The following CHST11 variants were observed in gnomAD, a reference collection of about 807,000 sequenced individuals.
CHST11 encodes the protein carbohydrate sulfotransferase 11.
A neutral mutation model predicts 30.4 loss-of-function variants in CHST11; 9 were observed. That is an observed-to-expected ratio of 0.30 (90% CI 0.18 to 0.52). The LOEUF (loss-of-function observed/expected upper bound fraction) is 0.52, where lower values mean the gene tolerates loss of function less well. Among genes scored for constraint, CHST11 ranks in the 20% least tolerant of loss-of-function variants. The pLI, the probability that CHST11 is intolerant of heterozygous loss-of-function variation, is 0.97. For synonymous variants in CHST11, 152 were observed against 187.8 expected (o/e 0.81, Z 1.56); for missense variants, 348 against 460.6 (o/e 0.76, Z 2.24).
chr12:104,511,300 C>G (rs537110480), intron 1 of CHST11, among the ~76,000 whole-genome samples: 1 of 152,304 alleles, frequency 6.6e-6, no homozygotes, highest in African/African-American at 2.4e-5. Flanking sequence ...TTGCATTGCT[C>G]AGGAAATTAT....
chr12:104,555,778 C>T (rs990410672), intron 1 of CHST11, among the ~76,000 whole-genome samples: 2 of 152,364 alleles, frequency 1.3e-5, no homozygotes, highest in African/African-American at 2.4e-5. Context: ...CTCCATTAAA[C>T]AGCTTGTCCC....
At chr12:104,457,785 G>T (rs1466906879) in intron 1 of CHST11, among the ~76,000 whole-genome samples, 2 of 137,670 alleles carry the variant, frequency 1.5e-5, no homozygotes, top group Non-Finnish European at 3.1e-5. Context: ...AGGGGCGGTA[G>T]TTTTTTTTTT....
At chr12:104,548,782 G>T (rs558147518) in intron 1 of CHST11, among the ~76,000 whole-genome samples, 1 of 152,172 alleles carries the variant, frequency 6.6e-6, no homozygotes, top group African/African-American at 2.4e-5. Context: ...CTCCCTGAAC[G>T]CAGGCAGGCA....
At chr12:104,703,100 G>A (rs2040003337) in intron 2 of CHST11, among the ~76,000 whole-genome samples, 1 of 152,206 alleles carries the variant, frequency 6.6e-6, no homozygotes, top group Non-Finnish European at 1.5e-5. Flanking sequence ...GTGCCTGCTG[G>A]CTCATGGGAA....
intron 1 of CHST11, among the ~76,000 whole-genome samples, chr12:104,581,034 T>TG (rs1463851808): frequency 1.3e-5 from 2 of 152,214 alleles, no homozygotes; most frequent in Non-Finnish European, 2.9e-5. Flanking sequence ...TTTTCTGCCT[T>TG]TTCTGGTGTT....
At chr12:104,505,101 T>C (rs2037891795) in intron 1 of CHST11, among the ~76,000 whole-genome samples, 1 of 152,176 alleles carries the variant, frequency 6.6e-6, no homozygotes, top group Admixed American at 6.5e-5. Flanking sequence ...TAGACTGGCT[T>C]CTGTAATTTT....
At chr12:104,481,856 T>TG (rs2037626479) in intron 1 of CHST11, among the ~76,000 whole-genome samples, 1 of 150,924 alleles carries the variant, frequency 6.6e-6, no homozygotes, top group Non-Finnish European at 1.5e-5. Context: ...CATTTTTTTT[T>TG]TTTGGAGTTT....
chr12:104,706,642 C>T (rs2040038711), intron 2 of CHST11, among the ~76,000 whole-genome samples: 1 of 152,142 alleles, frequency 6.6e-6, no homozygotes, highest in African/African-American at 2.4e-5. Context: ...GGGGCAAGGT[C>T]TCTTTTCACT....
At chr12:104,694,389 T>C (rs773046148) in intron 2 of CHST11, among the ~76,000 whole-genome samples, 40 of 152,328 alleles carry the variant, frequency 2.6e-4, no homozygotes, top group Middle Eastern at 3.4e-3. Flanking sequence ...TCAGCATTCA[T>C]CAAACACTTA....
chr12:104,482,126 G>T (rs1370403771), intron 1 of CHST11, among the ~76,000 whole-genome samples: 1 of 151,696 alleles, frequency 6.6e-6, no homozygotes, highest in Non-Finnish European at 1.5e-5. Context: ...TTGTTTTCTT[G>T]ATTTTATTTT....
At chr12:104,715,181 A>G (rs1019887305) in intron 2 of CHST11, among the ~76,000 whole-genome samples, 10 of 152,116 alleles carry the variant, frequency 6.6e-5, no homozygotes, top group African/African-American at 2.4e-4. Context: ...CCTGGCCAAC[A>G]TGGTGTAACC....
intron 1 of CHST11, among the ~76,000 whole-genome samples, chr12:104,589,651 AT>A (rs1252755482): frequency 6.6e-6 from 1 of 152,170 alleles, no homozygotes; most frequent in East Asian, 1.9e-4. Flanking sequence ...CAGTTGTATT[AT>A]TTCTTGCCTT....
Position 104,756,848 on chromosome 12 carries a change from A to C in CHST11, c.205-101A>C, listed in dbSNP as rs1165635993. 4.4e-6 allele frequency: 6 copies of C among 1,372,362 alleles called. No individual in the cohort carries two copies. The African/African-American group carries it at 7.2e-5, about 16-fold the overall frequency. The allele number at this position is 1,372,362 out of a possible 1,614,324, so 85.0% of individuals were successfully genotyped here. A position where few individuals can be genotyped will look rare whatever the true frequency, so the allele number is the denominator to read the frequency against. On this transcript the variant is annotated intron_variant, in intron 2 of 2. Transcript: ENST00000303694. ...AGGCATGAGCCACTGCACCCAGCTT[A>C]GATATGTGTTTGAACGGGTGGATTT...
intron 2 of CHST11, among the ~76,000 whole-genome samples, chr12:104,663,124 C>A (rs1379404884): frequency 6.6e-6 from 1 of 152,248 alleles, no homozygotes; most frequent in Admixed American, 6.5e-5. Flanking sequence ...GAGGATCCAG[C>A]AGGCTGGCCT....
At chr12:104,732,434 GC>G (rs2040265313) in intron 2 of CHST11, among the ~76,000 whole-genome samples, 1 of 152,152 alleles carries the variant, frequency 6.6e-6, no homozygotes, top group African/African-American at 2.4e-5. Context: ...TTTATAGATG[GC>G]CTGAAAACTA....
intron 2 of CHST11, among the ~76,000 whole-genome samples, chr12:104,608,234 T>A (rs2039025613): frequency 6.6e-6 from 1 of 151,984 alleles, no homozygotes; most frequent in Admixed American, 6.5e-5. Flanking sequence ...ACCTATAACT[T>A]GCGAATTTAG....
intron 2 of CHST11, among the ~76,000 whole-genome samples, chr12:104,626,589 A>AAG (rs2039216849): frequency 6.6e-6 from 1 of 151,958 alleles, no homozygotes; most frequent in African/African-American, 2.4e-5. Context: ...AAAAAAAAAA[A>AAG]AAAAAAAACA....
At chr12:104,548,911 A>C (rs2038378413) in intron 1 of CHST11, among the ~76,000 whole-genome samples, 1 of 152,188 alleles carries the variant, frequency 6.6e-6, no homozygotes, top group Admixed American at 6.5e-5. Context: ...AGCAAAGTGA[A>C]CTAGGCTCCT....
At chr12:104,708,930 C>T (rs186773152) in intron 2 of CHST11, among the ~76,000 whole-genome samples, 10 of 152,172 alleles carry the variant, frequency 6.6e-5, no homozygotes, top group Admixed American at 2.0e-4. Context: ...TGTGGCCTTA[C>T]GGAGAGGAGA....
Sources: allele counts gnomAD v4.1 joint callset (sites outside exome capture counted in the v4.1 genomes callset), GRCh38; gene constraint gnomAD v4.1.1; transcripts MANE v1.5; gene names NCBI Gene and HGNC (gene_info 2026-07-23, HGNC 2026-07-21).